The following LRP1B variants were observed in gnomAD, a reference collection of about 807,000 sequenced individuals.
The protein encoded by LRP1B is LDL receptor related protein 1B, also known as low-density lipoprotein receptor-related protein 1B.
In LRP1B, 217 loss-of-function variants were observed where a neutral mutation model predicts 556.6. That is an observed-to-expected ratio of 0.39 (90% CI 0.35 to 0.44). LRP1B has a LOEUF of 0.44. Ranked by LOEUF, LRP1B falls within the 20% of genes least tolerant of loss-of-function variation. The pLI, the probability that LRP1B is intolerant of heterozygous loss-of-function variation, is 1.00. For synonymous variants in LRP1B, 2,047 were observed against 1,865.8 expected (o/e 1.10, Z -2.50); for missense variants, 5,053 against 5,620.8 (o/e 0.90, Z 3.23).
chr2:141,732,838 T>A (rs1016434853), intron 2 of LRP1B, among the ~76,000 whole-genome samples: 1 of 152,128 alleles, frequency 6.6e-6, no homozygotes, highest in Admixed American at 6.6e-5. Flanking sequence ...CTTGATTGAC[T>A]ACGGAAGTAA....
chr2:140,895,213 TAAG>T (rs1452768628), intron 23 of LRP1B, among the ~76,000 whole-genome samples: 5 of 151,680 alleles, frequency 3.3e-5, no homozygotes, highest in African/African-American at 1.2e-4. Flanking sequence ...AAATAGAGAA[TAAG>T]AACAAAAAAA....
intron 7 of LRP1B, among the ~76,000 whole-genome samples, chr2:141,129,988 G>A (rs1329441188): frequency 6.6e-6 from 1 of 151,778 alleles, no homozygotes; most frequent in Non-Finnish European, 1.5e-5. Context: ...TTATTTTAAA[G>A]GAATAGTGAC....
chr2:140,508,550 T>C (rs1249735776), intron 52 of LRP1B, among the ~76,000 whole-genome samples: 1 of 152,170 alleles, frequency 6.6e-6, no homozygotes, highest in African/African-American at 2.4e-5. Context: ...TAAAGCTGTA[T>C]AGAAGCCACA....
intron 1 of LRP1B, among the ~76,000 whole-genome samples, chr2:141,939,303 G>A (rs1006499388): frequency 9.2e-5 from 14 of 151,882 alleles, no homozygotes; most frequent in African/African-American, 3.4e-4. Flanking sequence ...ACATGGCAAA[G>A]GCATAAATAT....
At chr2:141,521,111 C>T (rs1684513870) in intron 2 of LRP1B, among the ~76,000 whole-genome samples, 2 of 152,092 alleles carry the variant, frequency 1.3e-5, no homozygotes, top group African/African-American at 4.8e-5. Context: ...AAATAAGCAT[C>T]ATTTCTGTGC....
At chr2:140,658,603 TTG>T (rs1302665925) in intron 41 of LRP1B, among the ~76,000 whole-genome samples, 1 of 152,108 alleles carries the variant, frequency 6.6e-6, no homozygotes, top group African/African-American at 2.4e-5. Context: ...TCTTTTAAAT[TTG>T]AAAATGATGA....
intron 3 of LRP1B, among the ~76,000 whole-genome samples, chr2:141,466,719 A>G (rs1682215690): frequency 6.6e-6 from 1 of 152,132 alleles, no homozygotes; most frequent in African/African-American, 2.4e-5. Flanking sequence ...ATGAAAGCCA[A>G]GTGACAAGGA....
chr2:141,304,474 C>CTT (rs1558992761), intron 3 of LRP1B, among the ~76,000 whole-genome samples: 1 of 105,794 alleles, frequency 9.5e-6, no homozygotes, highest in Non-Finnish European at 1.8e-5. Context: ...CAGTTTCATT[C>CTT]ATTTTTTTTT....
intron 1 of LRP1B, among the ~76,000 whole-genome samples, chr2:141,913,158 G>A (rs969850860): frequency 5.9e-5 from 9 of 152,090 alleles, no homozygotes; most frequent in African/African-American, 2.2e-4. Flanking sequence ...ACAACAGTAG[G>A]AATATGTTTA....
At chr2:140,340,632 C>T (rs887779105) in intron 77 of LRP1B, among the ~76,000 whole-genome samples, 27 of 150,582 alleles carry the variant, frequency 1.8e-4, no homozygotes, top group African/African-American at 6.3e-4. Context: ...CCTGTCAAAA[C>T]GATTGGTTGA....
At chr2:141,961,470 T>G (rs1701402634) in intron 1 of LRP1B, among the ~76,000 whole-genome samples, 1 of 151,766 alleles carries the variant, frequency 6.6e-6, no homozygotes, top group African/African-American at 2.4e-5. Flanking sequence ...AAGGACAACC[T>G]GATCCTTGGT....
intron 65 of LRP1B, 75 bp downstream of exon 65, chr2:140,444,255 A>G: frequency 6.8e-7 from 1 of 1,470,496 alleles, no homozygotes; most frequent in Non-Finnish European, 9.3e-7. Flanking sequence ...TGAATTTATG[A>G]AGTATAGTAC....
chr2:140,584,531 T>G (rs1211667631), intron 43 of LRP1B, among the ~76,000 whole-genome samples: 3 of 152,022 alleles, frequency 2.0e-5, no homozygotes, highest in African/African-American at 7.2e-5. Flanking sequence ...GCCTAAAAAT[T>G]GAAAGTTTCT....
chr2:141,415,438 T>A (rs1331147498), intron 3 of LRP1B, among the ~76,000 whole-genome samples: 1 of 152,206 alleles, frequency 6.6e-6, no homozygotes, highest in Non-Finnish European at 1.5e-5. Context: ...TTGAGAGATA[T>A]TAATGGTTGT....
chr2:141,317,632 G>C (rs2105463585), intron 3 of LRP1B, among the ~76,000 whole-genome samples: 1 of 152,234 alleles, frequency 6.6e-6, no homozygotes, highest in African/African-American at 2.4e-5. Flanking sequence ...AGATTTCCAA[G>C]AAGAATGATA....
chr2:141,381,112 T>G (rs1689626544), intron 3 of LRP1B, among the ~76,000 whole-genome samples: 1 of 152,090 alleles, frequency 6.6e-6, no homozygotes, highest in African/African-American at 2.4e-5. Flanking sequence ...ATACATGATT[T>G]GTCCTATAGA....
intron 2 of LRP1B, among the ~76,000 whole-genome samples, chr2:141,595,491 T>C (rs1224416502): frequency 6.6e-6 from 1 of 152,066 alleles, no homozygotes; most frequent in Non-Finnish European, 1.5e-5. Context: ...TATTGAAGTG[T>C]TAATAGCCTT....
rs565674158 is a variant in LRP1B at position 140,975,800 on chromosome 2, A to G, written c.2887+6360T>C. Among the ~76,000 whole-genome samples, 5 of 152,302 alleles carry G rather than the reference A, an allele frequency of 3.3e-5. No individual in the cohort carries two copies. The South Asian group carries it at 1.0e-3, about 32-fold the overall frequency. On this transcript the variant is annotated intron_variant, in intron 18 of 90. Coordinates refer to ENST00000389484, the MANE Select transcript of LRP1B (RefSeq NM_018557.3). ...TAAAAAATATTATACTTAATCAGGA[A>G]CTTTGCTTTTCTAATAATCTTGTGT...
chr2:141,878,724 AG>A (rs1698854769), intron 1 of LRP1B, among the ~76,000 whole-genome samples: 1 of 152,022 alleles, frequency 6.6e-6, no homozygotes, highest in Non-Finnish European at 1.5e-5. Flanking sequence ...GGTAGGGAAA[AG>A]TCACTTAAGT....
Sources: gnomAD v4.1 joint callset for allele counts (sites outside exome capture counted in the v4.1 genomes callset) on GRCh38, gnomAD v4.1.1 for gene constraint, MANE v1.5 for transcripts, NCBI Gene and HGNC (gene_info 2026-07-23, HGNC 2026-07-21) for gene names.